The following DPH6 variants were observed in gnomAD, a reference collection of about 807,000 sequenced individuals.
DPH6 encodes diphthamine biosynthesis 6.
DPH6 carries 33 observed loss-of-function variants against 38.2 expected under a neutral mutation model. The observed-to-expected ratio is 0.86, with a 90% CI of 0.65 to 1.15. The LOEUF is 1.15. Among genes scored for constraint, DPH6 ranks in the 50% most tolerant of loss-of-function variants. DPH6 has a pLI of 0.00. For missense variants in DPH6, 325 were observed against 320.0 expected (o/e 1.02, Z -0.12); for synonymous variants, 108 against 103.0 (o/e 1.05, Z -0.30).
intron 3 of DPH6, among the ~76,000 whole-genome samples, chr15:35,252,688 T>A (rs921447956): frequency 6.6e-6 from 1 of 152,290 alleles, no homozygotes; most frequent in South Asian, 2.1e-4. Flanking sequence ...ATAAGGTCTA[T>A]GGTCTTGCCT....
At chr15:35,274,929 T>A (rs2051847692) in intron 3 of DPH6, among the ~76,000 whole-genome samples, 1 of 151,956 alleles carries the variant, frequency 6.6e-6, no homozygotes, top group Non-Finnish European at 1.5e-5. Flanking sequence ...TCTTTTTTTT[T>A]TTTGAGACGG....
In DPH6 at chr15:35,538,101, T is replaced by C. The variant is rs3759845; in HGVS notation, c.312+173A>G. On this transcript the variant is annotated intron_variant, in intron 3 of 8. Coordinates refer to ENST00000256538, the MANE Select transcript of DPH6 (RefSeq NM_080650.4). Reference sequence around the variant, plus strand: ...TCTTATTTTTAAATATCATTTAATATAAAGGCATACTAATCATTTGCAGTT... The same window carrying C: ...TCTTATTTTTAAATATCATTTAATACAAAGGCATACTAATCATTTGCAGTT... The C allele has an allele frequency of 4.1e-3, 1,769 of 433,354 alleles. 27 individuals carry two copies. In the East Asian group the frequency reaches 0.041, roughly 10 times the overall value. 26.8% of individuals were successfully genotyped at this position (433,354 alleles called of 1,614,324 possible). A position where few individuals can be genotyped will look rare whatever the true frequency, so the allele number is the denominator to read the frequency against.
chr15:35,356,267 ACTT>A (rs1169011582), intron 3 of DPH6, among the ~76,000 whole-genome samples: 18 of 151,990 alleles, frequency 1.2e-4, no homozygotes, highest in South Asian at 2.1e-4. Flanking sequence ...TCATCTGAAG[ACTT>A]CTTCTCTCAA....
intron 3 of DPH6, among the ~76,000 whole-genome samples, chr15:35,455,829 C>T (rs1332390561): frequency 6.6e-6 from 1 of 152,116 alleles, no homozygotes; most frequent in South Asian, 2.1e-4. Flanking sequence ...AGAGAGATCG[C>T]TTCATCATGA....
intron 5 of DPH6, among the ~76,000 whole-genome samples, chr15:35,428,743 C>T (rs2053599014): frequency 6.6e-6 from 1 of 151,986 alleles, no homozygotes; most frequent in Admixed American, 6.6e-5. Flanking sequence ...TCTCGTTGGC[C>T]CAGTAACCTG....
downstream of DPH6, among the ~76,000 whole-genome samples, chr15:35,217,130 T>A (rs965734619): frequency 6.6e-6 from 1 of 152,076 alleles, no homozygotes; most frequent in Non-Finnish European, 1.5e-5. Flanking sequence ...ATAGAAAAAA[T>A]TTTTAAAAAT....
At chr15:35,480,541 T>C (rs1485048300) in intron 3 of DPH6, among the ~76,000 whole-genome samples, 1 of 152,092 alleles carries the variant, frequency 6.6e-6, no homozygotes, top group African/African-American at 2.4e-5. Context: ...ATTTGTGGGC[T>C]TTTACACAGA....
chr15:35,392,576 G>C (rs1178404605), intron 6 of DPH6, among the ~76,000 whole-genome samples: 5 of 152,150 alleles, frequency 3.3e-5, no homozygotes, highest in African/African-American at 1.2e-4. Flanking sequence ...ATCTACTCTA[G>C]GTTTAGTATT....
intron 3 of DPH6, among the ~76,000 whole-genome samples, chr15:35,302,639 T>G (rs1452053220): frequency 6.6e-6 from 1 of 152,200 alleles, no homozygotes; most frequent in Non-Finnish European, 1.5e-5. Flanking sequence ...CACTAATTTT[T>G]ATGGGATTAA....
chr15:35,291,919 G>A (rs1334339679), intron 3 of DPH6, among the ~76,000 whole-genome samples: 3 of 151,734 alleles, frequency 2.0e-5, no homozygotes, highest in Non-Finnish European at 4.4e-5. Context: ...CTCTTCTTTT[G>A]CTATTTTGTT....
chr15:35,520,278 T>C, intron 3 of DPH6: 1 of 965,700 alleles, frequency 1.0e-6, no homozygotes, highest in Non-Finnish European at 1.2e-6. Flanking sequence ...CCTCGCCTAT[T>C]TTAAGCATAA....
At position 35,375,237 on chromosome 15, in the gene DPH6, A is replaced by G. The variant is rs867309388; in HGVS notation, c.663-1629T>C. ...CAAATAGCTTAAATGATCTGAATCA[A>G]GATTATTACCCAGAGAGAATATATG... is the stretch of plus-strand genomic sequence containing the variant. On this transcript the variant is annotated intron_variant, in intron 7 of 8. Transcript: ENST00000256538. 3.3e-5 allele frequency among the ~76,000 whole-genome samples: 5 copies of G among 152,256 alleles called. 1 individual carries two copies. The highest frequency in any genetic ancestry group is 3.4e-3 in the Middle Eastern group (1 of 294).
chr15:35,329,390 T>C (rs931988629), downstream of DPH6, among the ~76,000 whole-genome samples: 1 of 152,192 alleles, frequency 6.6e-6, no homozygotes, highest in African/African-American at 2.4e-5. Context: ...CTCCATAAAC[T>C]ATTTGCATTG....
chr15:35,518,102 A>G (rs2054872439), intron 3 of DPH6, among the ~76,000 whole-genome samples: 1 of 152,076 alleles, frequency 6.6e-6, no homozygotes. Flanking sequence ...AGAATTCTGT[A>G]TTCAGCACAC....
At chr15:35,380,896 T>G (rs1030689744) in intron 7 of DPH6, among the ~76,000 whole-genome samples, 2 of 152,176 alleles carry the variant, frequency 1.3e-5, no homozygotes, top group African/African-American at 4.8e-5. Context: ...ATTTGTCAAA[T>G]AAATAATGAT....
intron 3 of DPH6, among the ~76,000 whole-genome samples, chr15:35,533,457 A>G (rs952020401): frequency 6.6e-6 from 1 of 152,106 alleles, no homozygotes; most frequent in African/African-American, 2.4e-5. Context: ...ACCAAGAAGA[A>G]TACAACTGGG....
At chr15:35,335,912 T>G (rs149385518) in intron 3 of DPH6, among the ~76,000 whole-genome samples, 40 of 152,340 alleles carry the variant, frequency 2.6e-4, no homozygotes, top group African/African-American at 8.7e-4. Context: ...TTCTTCTAAT[T>G]CTGTGAAGAA....
At chr15:35,420,478 C>G (rs1047939794) in intron 5 of DPH6, among the ~76,000 whole-genome samples, 9 of 152,042 alleles carry the variant, frequency 5.9e-5, no homozygotes, top group Non-Finnish European at 1.0e-4. Flanking sequence ...CCTGGCAAAA[C>G]AATGCAAAAA....
Position 35,263,075 on chromosome 15 carries a change from G to A in DPH6, n.201-42493C>T, listed in dbSNP as rs2051759712. Among the ~76,000 whole-genome samples the A allele has an allele frequency of 2.6e-5, 4 of 152,144 alleles. No individual in the cohort carries two copies. In the South Asian group the frequency reaches 8.3e-4, roughly 32 times the overall value. On this transcript the variant is annotated intron_variant and non_coding_transcript_variant, in intron 3 of 3. Coordinates refer to the DPH6 transcript ENST00000560386. ...CCATGAAGAAAAAAATACGTGAAAAGTTTCTAATGAAGAGAAACCTCTCAA... is the reference window on the plus strand; with the variant it reads ...CCATGAAGAAAAAAATACGTGAAAAATTTCTAATGAAGAGAAACCTCTCAA...
Sources: allele counts gnomAD v4.1 joint callset (sites outside exome capture counted in the v4.1 genomes callset), GRCh38; gene constraint gnomAD v4.1.1; transcripts MANE v1.5; gene names NCBI Gene and HGNC (gene_info 2026-07-23, HGNC 2026-07-21).